The following CRACDL variants were observed in gnomAD, a reference collection of about 807,000 sequenced individuals.
The protein encoded by CRACDL is CRACD like, also known as CRACD-like protein.
A neutral mutation model predicts 70.6 loss-of-function variants in CRACDL; 26 were observed. The ratio of observed to expected loss-of-function variants is 0.37; its 90% CI spans 0.27 to 0.51. The LOEUF (loss-of-function observed/expected upper bound fraction) is 0.51, where lower values mean the gene tolerates loss of function less well. CRACDL is among the 20% of genes least tolerant of loss of function. The pLI, the probability that CRACDL is intolerant of heterozygous loss-of-function variation, is 0.94. For synonymous variants in CRACDL, 618 were observed against 615.2 expected (o/e 1.00, Z -0.07); for missense variants, 1,283 against 1,376.9 (o/e 0.93, Z 1.08).
intron 1 of CRACDL, among the ~76,000 whole-genome samples, chr2:98,905,240 A>C (rs1573179430): frequency 7.2e-5 from 8 of 111,770 alleles, no homozygotes; most frequent in African/African-American, 8.2e-5. Flanking sequence ...ACAGAGCCAG[A>C]CTCTGTCTCA....
At chr2:98,858,512 C>CAAAAAAA (rs370742460) in intron 1 of CRACDL, among the ~76,000 whole-genome samples, 5 of 56,236 alleles carry the variant, frequency 8.9e-5, no homozygotes, top group Admixed American at 1.7e-4. Flanking sequence ...GAGACTCTGT[C>CAAAAAAA]AAAAAAAAAA....
rs1181969802 is a variant in CRACDL, at chr2:98,795,077, A to ATTTTTTTTTTTTTT, written c.2750-420_2750-407dup. Among the ~76,000 whole-genome samples the ATTTTTTTTTTTTTT allele has an allele frequency of 2.3e-3, 134 of 58,456 alleles. 13 individuals are homozygous for ATTTTTTTTTTTTTT. The highest frequency in any genetic ancestry group is 4.3e-3 in the East Asian group (7 of 1,634). The allele number at this position is 58,456 out of a possible 152,430, so 38.3% of individuals were successfully genotyped here. ...TATATATATATATATATATATATAT[A>ATTTTTTTTTTTTTT]TTTTTTTTTTTTTTTGAGACAGAAG... On this transcript the variant is annotated intron_variant, in intron 9 of 9. Coordinates refer to ENST00000397899, the MANE Select transcript of CRACDL (RefSeq NM_207362.3).
intron 1 of CRACDL, among the ~76,000 whole-genome samples, chr2:98,861,519 A>G (rs1706935686): frequency 6.6e-6 from 1 of 152,234 alleles, no homozygotes; most frequent in Admixed American, 6.5e-5. Context: ...AAAGCTTGGC[A>G]GTGCCTCAAA....
At chr2:98,926,818 C>T (rs1252003452) in intron 1 of CRACDL, among the ~76,000 whole-genome samples, 5 of 152,230 alleles carry the variant, frequency 3.3e-5, no homozygotes, top group Non-Finnish European at 7.3e-5. Flanking sequence ...CCTTCCCACG[C>T]CTGCAGCGAA....
intron 1 of CRACDL, among the ~76,000 whole-genome samples, chr2:98,853,180 A>G (rs911333745): frequency 2.0e-5 from 3 of 152,214 alleles, no homozygotes; most frequent in African/African-American, 7.2e-5. Context: ...CACATCATAG[A>G]CCTCACAGAA....
At chr2:98,795,662 G>A (rs1423815769) in intron 9 of CRACDL, among the ~76,000 whole-genome samples, 1 of 152,118 alleles carries the variant, frequency 6.6e-6, no homozygotes, top group African/African-American at 2.4e-5. Flanking sequence ...ATACATACAT[G>A]CTCACTGTCA....
chr2:98,813,286 G>A (rs1028493902), intron 7 of CRACDL, among the ~76,000 whole-genome samples: 75 of 152,176 alleles, frequency 4.9e-4, no homozygotes, highest in African/African-American at 1.7e-3. Flanking sequence ...CAAAAAATTG[G>A]TCAGGTGTGG....
At chr2:98,803,825 G>A (rs1704181810) in intron 7 of CRACDL, among the ~76,000 whole-genome samples, 1 of 152,168 alleles carries the variant, frequency 6.6e-6, no homozygotes, top group African/African-American at 2.4e-5. Context: ...GCGGTCCTCT[G>A]CTCTGCCTGC....
intron 1 of CRACDL, among the ~76,000 whole-genome samples, chr2:98,870,422 G>T (rs1707298818): frequency 6.6e-6 from 1 of 152,244 alleles, no homozygotes; most frequent in African/African-American, 2.4e-5. Context: ...TGAGTTCAGA[G>T]GAGAGCTCAG....
At chr2:98,851,615 G>C (rs1318365390) in intron 1 of CRACDL, among the ~76,000 whole-genome samples, 3 of 152,134 alleles carry the variant, frequency 2.0e-5, no homozygotes, top group Non-Finnish European at 4.4e-5. Context: ...ACCTTCTCCA[G>C]GGTCTCTGTA....
intron 1 of CRACDL, among the ~76,000 whole-genome samples, chr2:98,908,972 G>A (rs1350014153): frequency 1.3e-5 from 2 of 152,180 alleles, no homozygotes; most frequent in African/African-American, 4.8e-5. Flanking sequence ...CACGGAAAAA[G>A]CCCACTGCCC....
chr2:98,798,698 CTT>C (rs963222523), intron 7 of CRACDL, among the ~76,000 whole-genome samples: 4 of 144,850 alleles, frequency 2.8e-5, no homozygotes, highest in Admixed American at 6.9e-5. Flanking sequence ...CTTTTCTTTT[CTT>C]TTTTTTTTTG....
chr2:98,869,055 C>T, intron 1 of CRACDL: 7 of 1,295,996 alleles, frequency 5.4e-6, no homozygotes, highest in Non-Finnish European at 7.1e-6. Context: ...CCCCCACCAC[C>T]TCTTTGCTCT....
chr2:98,927,395 C>G (rs1708957586), intron 1 of CRACDL, among the ~76,000 whole-genome samples: 1 of 152,176 alleles, frequency 6.6e-6, no homozygotes, highest in South Asian at 2.1e-4. Flanking sequence ...TCCTGAATTC[C>G]CTGCACTAAA....
At chr2:98,863,397 A>C (rs1188928048) in intron 1 of CRACDL, among the ~76,000 whole-genome samples, 1 of 152,206 alleles carries the variant, frequency 6.6e-6, no homozygotes, top group Non-Finnish European at 1.5e-5. Context: ...AAGAAATGCT[A>C]AAAAGAGTCC....
chr2:98,910,521 AAAATAAATAAATAAATAAAT>A (rs61614119), intron 1 of CRACDL, among the ~76,000 whole-genome samples: 3 of 140,742 alleles, frequency 2.1e-5, no homozygotes, highest in South Asian at 4.6e-4. Flanking sequence ...ACTCTGTCTC[AAAATAAATAAATAAATAAAT>A]AAATAAATAA....
At chr2:98,842,340 A>T (rs548591668) in intron 2 of CRACDL, among the ~76,000 whole-genome samples, 35 of 151,850 alleles carry the variant, frequency 2.3e-4, no homozygotes, top group African/African-American at 8.2e-4. Flanking sequence ...ATAAAATTTT[A>T]ATAATTACAT....
intron 1 of CRACDL, among the ~76,000 whole-genome samples, chr2:98,885,069 G>A (rs2104623400): frequency 6.6e-6 from 1 of 152,320 alleles, no homozygotes; most frequent in Non-Finnish European, 1.5e-5. Flanking sequence ...GAAAGGTGTA[G>A]GAGTGTGGAA....
intron 1 of CRACDL, among the ~76,000 whole-genome samples, chr2:98,856,915 T>C (rs1280095260): frequency 6.6e-6 from 1 of 152,144 alleles, no homozygotes; most frequent in Non-Finnish European, 1.5e-5. Context: ...CATGATTCTT[T>C]TATTAGGAGT....
Sources: allele counts gnomAD v4.1 joint callset (sites outside exome capture counted in the v4.1 genomes callset), GRCh38; gene constraint gnomAD v4.1.1; transcripts MANE v1.5; gene names NCBI Gene and HGNC (gene_info 2026-07-23, HGNC 2026-07-21).